Variants in PLEKHM2 observed in about 807,000 individuals in gnomAD.
PLEKHM2 encodes the protein pleckstrin homology domain-containing family M member 2.
PLEKHM2 carries 77 observed loss-of-function variants against 116.3 expected under a neutral mutation model. The observed-to-expected ratio is 0.66, with a 90% CI of 0.55 to 0.80. The LOEUF (loss-of-function observed/expected upper bound fraction) is 0.80, where lower values mean the gene tolerates loss of function less well. Among genes scored for constraint, PLEKHM2 ranks in the 30% least tolerant of loss-of-function variants. The pLI, the probability that PLEKHM2 is intolerant of heterozygous loss-of-function variation, is 0.00. For missense variants in PLEKHM2, 1,183 were observed against 1,354.9 expected (o/e 0.87, Z 1.99); for synonymous variants, 562 against 571.0 (o/e 0.98, Z 0.22).
At position 15,731,064 on chromosome 1, in the gene PLEKHM2, C is replaced by G. The variant is rs2068135712; in HGVS notation, c.2400-128C>G. On this transcript the variant is annotated intron_variant, in intron 15 of 19. Transcript: ENST00000375799. ...TCACCCTGCCTTCCGTAGATGACAG[C>G]CCCTGGTGTCCTTTGCCTCAGGTTC... 1.4e-5 allele frequency: 10 copies of G among 716,746 alleles called. No homozygotes were observed. In the Middle Eastern group the frequency reaches 7.3e-4, roughly 52 times the overall value. The allele number at this position is 716,746 out of a possible 1,614,324, so 44.4% of individuals were successfully genotyped here. A position where few individuals can be genotyped will look rare whatever the true frequency, so the allele number is the denominator to read the frequency against.
chr1:15,714,890 G>T (rs116422905), intron 1 of PLEKHM2, among the ~76,000 whole-genome samples: 20 of 152,216 alleles, frequency 1.3e-4, no homozygotes, highest in African/African-American at 4.8e-4. Context: ...GTGCTTGAAA[G>T]GGGCCCTCTC....
intron 7 of PLEKHM2, among the ~76,000 whole-genome samples, chr1:15,724,008 T>G (rs973817928): frequency 4.6e-5 from 7 of 152,186 alleles, no homozygotes; most frequent in Non-Finnish European, 8.8e-5. Flanking sequence ...CTTGGGTGGC[T>G]CCCATCTGCC....
At chr1:15,696,337 A>C (rs1640996307) in intron 1 of PLEKHM2, among the ~76,000 whole-genome samples, 1 of 151,858 alleles carries the variant, frequency 6.6e-6, no homozygotes, top group African/African-American at 2.4e-5. Context: ...CACCTAACAA[A>C]TATTTGTTTT....
rs1341481842 is a variant in PLEKHM2, at chr1:15,728,572, AG to A, written c.1922-95del. On this transcript the variant is annotated intron_variant, in intron 11 of 19. Transcript: ENST00000375799. This position sits in a 1 kb window ranked among gnomAD's most constrained non-coding sequence, Gnocchi z 5.9. The stretch of plus-strand genomic sequence containing the variant: ...CATTCTCCTACTGCAGGGCAAGGAG[AG>A]GCCCTCTAAGAGAGGGGGCTGTGTC... 3.5e-6 allele frequency: 4 copies of A among 1,142,984 alleles called. No homozygotes were observed. Among genetic ancestry groups the A allele is most frequent in the Admixed American group, 2.0e-5 (1 of 49,404 alleles). The allele number at this position is 1,142,984 out of a possible 1,614,324, so 70.8% of individuals were successfully genotyped here. A position where few individuals can be genotyped will look rare whatever the true frequency, so the allele number is the denominator to read the frequency against.
upstream of PLEKHM2, among the ~76,000 whole-genome samples, chr1:15,682,030 C>A (rs1640655012): frequency 6.6e-6 from 1 of 151,924 alleles, no homozygotes; most frequent in Non-Finnish European, 1.5e-5. Flanking sequence ...CAGAGCGAGG[C>A]CCTGTCTCTA....
At position 15,728,597 on chromosome 1, in the gene PLEKHM2, T is replaced by C. The variant is rs1215717576; in HGVS notation, c.1922-72T>C. 2.2e-6 allele frequency: 3 copies of C among 1,361,150 alleles called. No individual in the cohort carries two copies. Among genetic ancestry groups the C allele is most frequent in the Non-Finnish European group, 3.1e-6 (3 of 971,156 alleles). 84.3% of individuals were successfully genotyped at this position (1,361,150 alleles called of 1,614,324 possible). A position where few individuals can be genotyped will look rare whatever the true frequency, so the allele number is the denominator to read the frequency against. On this transcript the variant is annotated intron_variant, in intron 11 of 19. Transcript: ENST00000375799. The surrounding 1 kb of genome is among the most constrained non-coding windows in gnomAD (Gnocchi z 5.9). ...AGGCCCTCTAAGAGAGGGGGCTGTG[T>C]CTAAGAAAATGGGGCAGGGGGAGGG...
intron 1 of PLEKHM2, among the ~76,000 whole-genome samples, chr1:15,708,056 T>C (rs1641259567): frequency 6.6e-6 from 1 of 151,838 alleles, no homozygotes; most frequent in South Asian, 2.1e-4. Context: ...AGCTAATTTT[T>C]GTATTTTTAG....
chr1:15,698,549 C>T (rs59048139), intron 1 of PLEKHM2, among the ~76,000 whole-genome samples: 4,638 of 110,916 alleles, frequency 0.042, 387 homozygotes, highest in African/African-American at 0.18. Flanking sequence ...TTCTTTCTTT[C>T]TTTTTTTTTT....
At chr1:15,700,570 T>C (rs1641089833) in intron 1 of PLEKHM2, among the ~76,000 whole-genome samples, 1 of 152,206 alleles carries the variant, frequency 6.6e-6, no homozygotes, top group African/African-American at 2.4e-5. Context: ...CACTGATAAC[T>C]TCTCCCTCTC....
intron 1 of PLEKHM2, among the ~76,000 whole-genome samples, chr1:15,698,963 G>A (rs1641056537): frequency 6.6e-6 from 1 of 152,112 alleles, no homozygotes; most frequent in Non-Finnish European, 1.5e-5. Context: ...ACTATAATTT[G>A]ATTGCCATTG....
At chr1:15,712,948 G>A (rs1641365202) in intron 1 of PLEKHM2, among the ~76,000 whole-genome samples, 1 of 152,100 alleles carries the variant, frequency 6.6e-6, no homozygotes, top group South Asian at 2.1e-4. Context: ...TTACAGGAAT[G>A]TGCCACCACA....
chr1:15,732,048 G>C lies in PLEKHM2; in HGVS notation c.2625G>C (p.Gly875=). The C allele has an allele frequency of 6.2e-7, 1 of 1,609,362 alleles. No individual in the cohort carries two copies. The highest frequency in any genetic ancestry group is 1.1e-5 in the South Asian group (1 of 90,800). ...MQHLCQAVSK[G]VIPQGVAPSP... ...ATCTCTGCCAGGCTGTGTCCAAAGG[G>C]GTGAGCTTCGCCTGCCCCTACCGCT... Residue 875 remains glycine, a splice_region_variant and synonymous_variant, in exon 17 of 20, where the codon GGG becomes GGC. Coordinates refer to ENST00000375799, the MANE Select transcript of PLEKHM2 (RefSeq NM_015164.4).
At chr1:15,702,532 C>T (rs577039010) in intron 1 of PLEKHM2, among the ~76,000 whole-genome samples, 1 of 152,042 alleles carries the variant, frequency 6.6e-6, no homozygotes, top group African/African-American at 2.4e-5. Context: ...TCTTTTGCCT[C>T]AGCCTCCCAA....
At chr1:15,698,549 C>CTTTTTTTTTTTTTTTTTTTTTTTTTTT (rs564918055) in intron 1 of PLEKHM2, among the ~76,000 whole-genome samples, 1 of 111,226 alleles carries the variant, frequency 9.0e-6, no homozygotes. Flanking sequence ...TTCTTTCTTT[C>CTTTTTTTTTTTTTTTTTTTTTTTTTTT]TTTTTTTTTT....
intron 1 of PLEKHM2, among the ~76,000 whole-genome samples, chr1:15,687,476 G>A (rs1421031962): frequency 6.6e-6 from 1 of 152,164 alleles, no homozygotes; most frequent in Non-Finnish European, 1.5e-5. Context: ...TAATAAACAT[G>A]TAGAGTGTTT....
At chr1:15,688,649 CAAAA>C (rs36016839) in intron 1 of PLEKHM2, among the ~76,000 whole-genome samples, 2 of 88,808 alleles carry the variant, frequency 2.3e-5, no homozygotes. Flanking sequence ...GACTCTGTCT[CAAAA>C]AAAAAAAAAA....
intron 1 of PLEKHM2, among the ~76,000 whole-genome samples, chr1:15,702,216 C>T (rs540872382): frequency 3.9e-5 from 6 of 152,294 alleles, no homozygotes; most frequent in Admixed American, 3.3e-4. Context: ...TTCCATGGGA[C>T]GCGTCCTCAC....
In PLEKHM2 at chr1:15,727,713, G is replaced by A; in HGVS notation, c.1641G>A (p.Gln547=). Residue 547 remains glutamine (Q), a synonymous_variant, in exon 9 of 20, where the codon CAG becomes CAA. Coordinates refer to ENST00000375799, the MANE Select transcript of PLEKHM2 (RefSeq NM_015164.4). This position sits in a 1 kb window ranked among gnomAD's most constrained non-coding sequence, Gnocchi z 7.5. ...TGTCTGAGCCAGAGCCTGGGACCCA[G>A]GAGGTTCTCTGCCAGCTCAAGCGAG... ...GPVSEPEPGT[Q]EVLCQLKRDQ... 1.3e-6 allele frequency: 2 copies of A among 1,596,642 alleles called. No homozygotes were observed. Among genetic ancestry groups the A allele is most frequent in the African/African-American group, 1.3e-5 (1 of 74,694 alleles).
In PLEKHM2 at chr1:15,721,644, G is replaced by C. The variant is rs76395188; in HGVS notation, c.712+256G>C. 7.4e-3 allele frequency among the ~76,000 whole-genome samples: 1,129 copies of C among 152,124 alleles called. 7 individuals carry two copies. Among genetic ancestry groups the C allele is most frequent in the African/African-American group, 0.026 (1,062 of 41,490 alleles). On this transcript the variant is annotated intron_variant, in intron 7 of 19. Transcript: ENST00000375799. The surrounding 1 kb of genome is among the most constrained non-coding windows in gnomAD (Gnocchi z 5.1). ...CGGAGTCACTAAGTGGCTGCATTTC[G>C]GGGGATACAGGGTCACCCTTCCTGA...
Sources: gnomAD v4.1 joint callset for allele counts (sites outside exome capture counted in the v4.1 genomes callset) on GRCh38, gnomAD v4.1.1 for gene constraint, Gnocchi (gnomAD v3.1) non-coding constraint, MANE v1.5 for transcripts, NCBI Gene and HGNC (gene_info 2026-07-23, HGNC 2026-07-21) for gene names.